Variants in DNM1L observed in about 807,000 individuals in gnomAD.
DNM1L encodes dynamin 1L.
In DNM1L, 33 loss-of-function variants were observed where a neutral mutation model predicts 92.8. The observed-to-expected ratio is 0.36, with a 90% CI of 0.27 to 0.48. The LOEUF is 0.48. Among genes scored for constraint, DNM1L ranks in the 20% least tolerant of loss-of-function variants. The probability of loss-of-function intolerance (pLI) is 0.99; values close to 1 mark genes in which losing one functional copy is unlikely to be tolerated. For missense variants in DNM1L, 485 were observed against 888.8 expected (o/e 0.55, Z 5.78); for synonymous variants, 284 against 305.0 (o/e 0.93, Z 0.72).
chr12:32,684,935 A>C (rs1951944659), intron 1 of DNM1L, among the ~76,000 whole-genome samples: 1 of 150,024 alleles, frequency 6.7e-6, no homozygotes, highest in African/African-American at 2.5e-5. Context: ...TTTTGTGTGA[A>C]TGTGTATTTT....
At chr12:32,718,551 A>T in intron 6 of DNM1L, 92 bp from the exon 7 acceptor site, 3 of 1,527,788 alleles carry the variant, frequency 2.0e-6, no homozygotes, top group Non-Finnish European at 2.7e-6. Context: ...GGGATTGTAG[A>T]TGAGGGTTTT....
chr12:32,703,334 T>C (rs1035793573), intron 2 of DNM1L, among the ~76,000 whole-genome samples: 4 of 152,110 alleles, frequency 2.6e-5, no homozygotes, highest in African/African-American at 9.7e-5. Flanking sequence ...TTTGTATATA[T>C]ATTTGCTTAA....
intron 17 of DNM1L, 74 bp from the exon 18 acceptor site, chr12:32,740,335 C>A: frequency 6.2e-7 from 1 of 1,609,536 alleles, no homozygotes; most frequent in Non-Finnish European, 8.5e-7. Flanking sequence ...CAAAAACTTA[C>A]ATAACTTTCA....
chr12:32,680,090 C>G (rs554457817), intron 1 of DNM1L: 3 of 853,518 alleles, frequency 3.5e-6, no homozygotes, highest in Non-Finnish European at 4.2e-6. Context: ...ATCTAGAGTT[C>G]TGCGGGTGTT....
chr12:32,686,996 G>T (rs1238786843), intron 1 of DNM1L, among the ~76,000 whole-genome samples: 2 of 144,704 alleles, frequency 1.4e-5, no homozygotes, highest in African/African-American at 5.2e-5. Flanking sequence ...GGCCAGGCTG[G>T]TCTTGAACTC....
intron 1 of DNM1L, among the ~76,000 whole-genome samples, chr12:32,695,910 TTAAAAA>T (rs1357371196): frequency 6.6e-6 from 1 of 151,844 alleles, no homozygotes; most frequent in African/African-American, 2.4e-5. Context: ...GAGAAAGACA[TTAAAAA>T]TAAAGAGATG....
intron 5 of DNM1L, among the ~76,000 whole-genome samples, chr12:32,712,671 A>G (rs1188783185): frequency 6.7e-6 from 1 of 150,318 alleles, no homozygotes; most frequent in African/African-American, 2.4e-5. Flanking sequence ...AAAAAAAAAA[A>G]AAAAAAAGAA....
At chr12:32,740,745 T>C (rs1035416854) in intron 18 of DNM1L, among the ~76,000 whole-genome samples, 2 of 152,208 alleles carry the variant, frequency 1.3e-5, no homozygotes, top group African/African-American at 2.4e-5. Flanking sequence ...AGAGATTCTT[T>C]TGTTCTATCT....
chr12:32,740,372 A>G (rs2137590961), intron 17 of DNM1L, 37 bp from the exon 18 acceptor site: 1 of 1,610,220 alleles, frequency 6.2e-7, no homozygotes, highest in African/African-American at 1.3e-5. Context: ...TTTTAGTGTC[A>G]CAAAAGTAAT....
At chr12:32,708,030 G>T in intron 3 of DNM1L, 123 bp from the exon 4 acceptor site, 1 of 609,872 alleles carries the variant, frequency 1.6e-6, no homozygotes, top group Non-Finnish European at 2.9e-6. Context: ...GTATACATTA[G>T]AATTTTATTT....
chr12:32,697,626 A>G (rs1592584370), intron 1 of DNM1L, among the ~76,000 whole-genome samples: 2 of 152,282 alleles, frequency 1.3e-5, no homozygotes, highest in Admixed American at 1.3e-4. Flanking sequence ...AAGAAAGAAG[A>G]TAGAGATGAC....
At chr12:32,736,966 G>T (rs1051094987) in intron 13 of DNM1L, 139 bp from the exon 14 acceptor site, 5 of 763,330 alleles carry the variant, frequency 6.6e-6, no homozygotes, top group Non-Finnish European at 1.1e-5. Context: ...TTTAAAATAT[G>T]ATAATTATGG....
At chr12:32,699,607 C>T (rs981737660) in intron 1 of DNM1L, among the ~76,000 whole-genome samples, 5 of 151,736 alleles carry the variant, frequency 3.3e-5, no homozygotes, top group Admixed American at 6.6e-5. Flanking sequence ...ACCAGCCTGG[C>T]GCACATGGTG....
At chr12:32,738,394 C>CTT (rs1565542315) in intron 16 of DNM1L, 98 bp downstream of exon 16, 1 of 1,288,880 alleles carries the variant, frequency 7.8e-7, no homozygotes, top group African/African-American at 1.5e-5. Context: ...GTAGTGGTAT[C>CTT]TATCTCTTGT....
At chr12:32,705,750 T>G in intron 2 of DNM1L, 1 of 1,362,950 alleles carries the variant, frequency 7.3e-7, no homozygotes, top group South Asian at 1.2e-5. Context: ...TTCTGCACAT[T>G]TGAATTTTTA....
chr12:32,709,965 TG>T (rs1953063006), intron 4 of DNM1L, among the ~76,000 whole-genome samples: 5 of 152,166 alleles, frequency 3.3e-5, no homozygotes, highest in African/African-American at 1.2e-4. Context: ...GAATTTTCAG[TG>T]GGCTAATGAG....
Position 32,745,571 on chromosome 12 carries a change from TCTTAA to T in DNM1L, c.*2165_*2169del, listed in dbSNP as rs1379002007. 2.0e-5 allele frequency: 3 copies of T among 152,362 alleles called. No individual in the cohort carries two copies. Among genetic ancestry groups the T allele is most frequent in the African/African-American group, 4.8e-5 (2 of 41,460 alleles). 9.4% of individuals were successfully genotyped at this position (152,362 alleles called of 1,614,324 possible). Reference sequence around the variant, plus strand: ...CACTAAAGTTTGTCAAAAAATGAATTCTTAACTTTTCTCCCAGAGAAAGGGAGACA... The same window carrying T: ...CACTAAAGTTTGTCAAAAAATGAATTCTTTTCTCCCAGAGAAAGGGAGACA... On this transcript the variant is annotated 3_prime_UTR_variant, in exon 20 of 20. Transcript: ENST00000549701.
Position 32,743,491 on chromosome 12 carries a change from C to A in DNM1L, c.*81C>A. The A allele has an allele frequency of 1.5e-6, 2 of 1,348,422 alleles. No individual in the cohort carries two copies. Among genetic ancestry groups the A allele is most frequent in the Non-Finnish European group, 2.1e-6 (2 of 944,972 alleles). 83.5% of individuals were successfully genotyped at this position (1,348,422 alleles called of 1,614,324 possible). The stretch of plus-strand genomic sequence containing the variant: ...ACCTGAGTAGAATCTTATTTATGAA[C>A]TCCTGTGTATTGCAATGGTATGAAT... On this transcript the variant is annotated 3_prime_UTR_variant, in exon 20 of 20. Coordinates refer to ENST00000549701, the MANE Select transcript of DNM1L (RefSeq NM_012062.5).
At position 32,719,353 on chromosome 12, in the gene DNM1L, G is replaced by GC. The variant is rs1204367496; in HGVS notation, c.740+591dup. Among the ~76,000 whole-genome samples the GC allele has an allele frequency of 2.0e-5, 3 of 152,172 alleles. No individual in the cohort carries two copies. In the East Asian group the frequency reaches 5.8e-4, roughly 29 times the overall value. On this transcript the variant is annotated intron_variant, in intron 7 of 19. Coordinates refer to ENST00000549701, the MANE Select transcript of DNM1L (RefSeq NM_012062.5). ...TAAGAATTCTTGCCTATCATGTTAA[G>GC]CTATGTATGAGGAGGTACTGGGTAA... is the stretch of plus-strand genomic sequence containing the variant.
Sources: allele counts gnomAD v4.1 joint callset (sites outside exome capture counted in the v4.1 genomes callset), GRCh38; gene constraint gnomAD v4.1.1; transcripts MANE v1.5; gene names NCBI Gene and HGNC (gene_info 2026-07-23, HGNC 2026-07-21).